Variants in SEPTIN11 observed in about 807,000 individuals in gnomAD.
The protein encoded by SEPTIN11 is septin-11.
In SEPTIN11, 25 loss-of-function variants were observed where a neutral mutation model predicts 51.4. The observed-to-expected ratio is 0.49, with a 90% CI of 0.35 to 0.68. SEPTIN11 has a LOEUF of 0.68. Ranked by LOEUF, SEPTIN11 falls within the 30% of genes least tolerant of loss-of-function variation. The pLI, the probability that SEPTIN11 is intolerant of heterozygous loss-of-function variation, is 0.00. For missense variants in SEPTIN11, 381 were observed against 520.8 expected (o/e 0.73, Z 2.61); for synonymous variants, 174 against 184.1 (o/e 0.95, Z 0.44).
In SEPTIN11 at chr4:77,019,167, C is replaced by T. The variant is rs1169730131; in HGVS notation, c.690C>T (p.Val230=). The T allele has an allele frequency of 1.2e-6, 2 of 1,612,454 alleles. No homozygotes were observed. Among genetic ancestry groups the T allele is most frequent in the South Asian group, 2.2e-5 (2 of 90,472 alleles). The change falls in exon 6 of 10, where the codon GTC becomes GTT. Residue 230 remains valine (V), a splice_region_variant and synonymous_variant. Coordinates refer to ENST00000264893, the MANE Select transcript of SEPTIN11 (RefSeq NM_018243.4). The part of the protein sequence containing the change: ...TVAEINATMS[V]HLPFAVVGST... ...TTCTCTGTCCTTTTGCTTGGCAGGT[C>T]CATCTCCCATTTGCAGTGGTTGGCA...
rs148531308 is a variant in SEPTIN11 at position 77,002,276 on chromosome 4, T to C, written c.143-3325T>C. ...AAATGATAATTAAAATTACCATGCC[T>C]TTAAAAAGTATGGTGTTCCTGATTC... On this transcript the variant is annotated intron_variant, in intron 2 of 9. Transcript: ENST00000264893. Among the ~76,000 whole-genome samples the C allele has an allele frequency of 2.3e-3, 357 of 152,320 alleles. 1 individual carries two copies. The highest frequency in any genetic ancestry group is 8.2e-3 in the African/African-American group (340 of 41,564).
intron 1 of SEPTIN11, among the ~76,000 whole-genome samples, chr4:76,955,039 A>G (rs1226946592): frequency 1.3e-5 from 2 of 152,158 alleles, no homozygotes; most frequent in African/African-American, 2.4e-5. Flanking sequence ...ATAGCATAAC[A>G]TTAAAATTTA....
rs1473133569 is a variant in SEPTIN11, at chr4:77,037,766, T to C, written c.*3254T>C. ...GATGAGAATTTATTGGCAGTTCAGATTGTGTTTTCCCAACTTAGGCTCTTT... is the reference window on the plus strand; with the variant it reads ...GATGAGAATTTATTGGCAGTTCAGACTGTGTTTTCCCAACTTAGGCTCTTT... On this transcript the variant is annotated 3_prime_UTR_variant, in exon 10 of 10. Transcript: ENST00000264893. 3.0e-6 allele frequency: 3 copies of C among 985,890 alleles called. No homozygotes were observed. The highest frequency in any genetic ancestry group is 3.6e-6 in the Non-Finnish European group (3 of 829,932). 61.1% of individuals were successfully genotyped at this position (985,890 alleles called of 1,614,324 possible). A position where few individuals can be genotyped will look rare whatever the true frequency, so the allele number is the denominator to read the frequency against.
rs1023209660 is a variant in SEPTIN11, at chr4:76,996,730, C to T, written c.142+191C>T. On this transcript the variant is annotated intron_variant, in intron 2 of 9. Transcript: ENST00000264893. The stretch of plus-strand genomic sequence containing the variant: ...ATTGAGAGCTGTATTTAGGTAAATG[C>T]GTTGTATGTTTTGTCATGTTACTCA... Among the ~76,000 whole-genome samples the T allele has an allele frequency of 2.0e-5, 3 of 152,188 alleles. No individual in the cohort carries two copies. The East Asian group carries it at 5.8e-4, about 29-fold the overall frequency.
At position 77,027,861 on chromosome 4, in the gene SEPTIN11, A is replaced by G. The variant is rs564211670; in HGVS notation, c.954-768A>G. Among the ~76,000 whole-genome samples the G allele has an allele frequency of 3.9e-5, 6 of 152,310 alleles. No homozygotes were observed. The South Asian group carries it at 1.2e-3, about 32-fold the overall frequency. ...AGATAAAGCTGAGCTGTAGCATTCA[A>G]TGTAGAATATTGGGCTCTAACTTCC... is the stretch of plus-strand genomic sequence containing the variant. On this transcript the variant is annotated intron_variant, in intron 7 of 9. Transcript: ENST00000264893.
intron 6 of SEPTIN11, 65 bp downstream of exon 6, chr4:77,019,326 T>C (rs1016807393): frequency 7.3e-7 from 1 of 1,369,056 alleles, no homozygotes; most frequent in Non-Finnish European, 1.0e-6. Context: ...CCGTGTTTGT[T>C]CATTTTCCGT....
chr4:77,039,947 T>A, downstream of SEPTIN11: 1 of 160,870 alleles, frequency 6.2e-6, no homozygotes, highest in Non-Finnish European at 1.3e-5. Flanking sequence ...ATCAAAATTA[T>A]GCCAGTTTTA....
chr4:77,021,323 T>C (rs767866810), intron 7 of SEPTIN11: 5 of 152,480 alleles, frequency 3.3e-5, no homozygotes, highest in African/African-American at 9.7e-5. Flanking sequence ...GTGGTAGGGA[T>C]AGGGCTGGCA....
At chr4:77,015,408 C>G (rs1407959948) in intron 5 of SEPTIN11, among the ~76,000 whole-genome samples, 2 of 152,164 alleles carry the variant, frequency 1.3e-5, no homozygotes, top group Non-Finnish European at 2.9e-5. Flanking sequence ...CTGCCCTTCC[C>G]TCCTTTCTAT....
chr4:76,964,364 A>G (rs958739263), intron 1 of SEPTIN11, among the ~76,000 whole-genome samples: 2 of 132,222 alleles, frequency 1.5e-5, no homozygotes, highest in African/African-American at 5.9e-5. Context: ...TGTATTGTCT[A>G]TTTACCATTC....
chr4:76,976,641 T>C (rs1722516171), intron 1 of SEPTIN11, among the ~76,000 whole-genome samples: 1 of 152,250 alleles, frequency 6.6e-6, no homozygotes, highest in Non-Finnish European at 1.5e-5. Flanking sequence ...CATCCCACTC[T>C]GTAGTATCTT....
chr4:77,031,022 T>C, intron 9 of SEPTIN11, 52 bp downstream of exon 9: 1 of 1,497,380 alleles, frequency 6.7e-7, no homozygotes, highest in Non-Finnish European at 9.0e-7. Flanking sequence ...TTTATTCCTC[T>C]TGCATGTCTC....
intron 1 of SEPTIN11, among the ~76,000 whole-genome samples, chr4:76,963,946 C>G (rs1392694490): frequency 6.6e-6 from 1 of 152,122 alleles, no homozygotes; most frequent in African/African-American, 2.4e-5. Context: ...AATGCTATCC[C>G]TCTCCCCTCC....
downstream of SEPTIN11, chr4:77,040,144 C>G (rs1052314602): frequency 6.6e-6 from 1 of 152,098 alleles, no homozygotes; most frequent in East Asian, 1.9e-4. Context: ...TTTAAAGATA[C>G]CTTAAAATAA....
At chr4:77,028,837 T>G in intron 8 of SEPTIN11, 76 bp downstream of exon 8, 1 of 1,446,328 alleles carries the variant, frequency 6.9e-7, no homozygotes, top group Non-Finnish European at 9.2e-7. Flanking sequence ...TTTAGAGGAC[T>G]TCATGATGGT....
At chr4:76,963,789 A>G (rs1721916279) in intron 1 of SEPTIN11, among the ~76,000 whole-genome samples, 2 of 152,292 alleles carry the variant, frequency 1.3e-5, no homozygotes, top group Middle Eastern at 3.4e-3. Context: ...TTTTTCCAAG[A>G]AAAACTTTAT....
intron 4 of SEPTIN11, among the ~76,000 whole-genome samples, chr4:77,014,409 GA>G (rs371116619): frequency 1.2e-3 from 183 of 152,298 alleles, no homozygotes; most frequent in African/African-American, 3.7e-3. Context: ...AAGTAGATGG[GA>G]GGGGTCTAAA....
Position 77,038,279 on chromosome 4 carries a change from A to G in SEPTIN11, c.*3767A>G. The G allele has an allele frequency of 1.0e-6, 1 of 985,650 alleles. No homozygotes were observed. Among genetic ancestry groups the G allele is most frequent in the Non-Finnish European group, 1.2e-6 (1 of 829,696 alleles). 61.1% of individuals were successfully genotyped at this position (985,650 alleles called of 1,614,324 possible). A position where few individuals can be genotyped will look rare whatever the true frequency, so the allele number is the denominator to read the frequency against. On this transcript the variant is annotated 3_prime_UTR_variant, in exon 10 of 10. Transcript: ENST00000264893. ...TTTGTCTATTTCTTAATTTTAAAAT[A>G]TGCTGATATGCCTTAAACTGTAGTT...
chr4:76,956,936 T>A (rs1237548494), intron 1 of SEPTIN11, among the ~76,000 whole-genome samples: 1 of 149,968 alleles, frequency 6.7e-6, no homozygotes, highest in East Asian at 1.9e-4. Flanking sequence ...TGGCCTGCTC[T>A]GATTCTAGCT....
Sources: gnomAD v4.1 joint callset for allele counts (sites outside exome capture counted in the v4.1 genomes callset) on GRCh38, gnomAD v4.1.1 for gene constraint, MANE v1.5 for transcripts, NCBI Gene and HGNC (gene_info 2026-07-23, HGNC 2026-07-21) for gene names.